PLXNA2: variants seen among roughly 807,000 people sequenced by gnomAD.
PLXNA2 encodes plexin-A2.
In PLXNA2, 91 loss-of-function variants were observed where a neutral mutation model predicts 193.5. That is an observed-to-expected ratio of 0.47 (90% CI 0.40 to 0.56). PLXNA2 has a LOEUF of 0.56. Among genes scored for constraint, PLXNA2 ranks in the 20% least tolerant of loss-of-function variants. The pLI is 0.00. For missense variants in PLXNA2, 1,995 were observed against 2,503.2 expected (o/e 0.80, Z 4.33); for synonymous variants, 997 against 1,027.3 (o/e 0.97, Z 0.56).
intron 12 of PLXNA2, among the ~76,000 whole-genome samples, chr1:208,067,344 CA>C (rs35720470): frequency 2.2e-3 from 259 of 116,302 alleles, no homozygotes; most frequent in East Asian, 0.015. Flanking sequence ...AACTCCGTCT[CA>C]AAAAAAAAAA....
chr1:208,163,693 GT>G lies in PLXNA2; in HGVS notation c.1372-21231del, dbSNP rs1669206008. Among the ~76,000 whole-genome samples the G allele has an allele frequency of 2.0e-5, 3 of 152,144 alleles. No individual in the cohort carries two copies. In the South Asian group the frequency reaches 6.2e-4, roughly 32 times the overall value. ...AGTAGTTCTGGTTCCCTAGTTACAG[GT>G]TCCCATGCTGCTTATTGAACTTTGG... On this transcript the variant is annotated intron_variant, in intron 3 of 31. Transcript: ENST00000367033.
chr1:208,209,511 A>G (rs1670856343), intron 3 of PLXNA2, among the ~76,000 whole-genome samples: 1 of 152,190 alleles, frequency 6.6e-6, no homozygotes, highest in Non-Finnish European at 1.5e-5. Flanking sequence ...CTCTAATCCC[A>G]CATAATGAAC....
At chr1:208,031,328 C>G in intron 29 of PLXNA2, 1 of 1,308,112 alleles carries the variant, frequency 7.6e-7, no homozygotes, top group Non-Finnish European at 9.8e-7. Flanking sequence ...TCTTGGGGTA[C>G]TGGTCACAAC....
At position 208,225,032 on chromosome 1, in the gene PLXNA2, G is replaced by C. The variant is rs564688570; in HGVS notation, c.-80-7030C>G. On this transcript the variant is annotated intron_variant, in intron 1 of 31. Coordinates refer to ENST00000367033, the MANE Select transcript of PLXNA2 (RefSeq NM_025179.4). ...CATACTCCAGGCGGTGAGGCAGCAG[G>C]GGCTGTGAGAGGGGAGCTGCGTGCG... Among the ~76,000 whole-genome samples, 3 of 152,296 alleles carry C rather than the reference G, an allele frequency of 2.0e-5. No homozygotes were observed. In the South Asian group the frequency reaches 6.2e-4, roughly 32 times the overall value.
chr1:208,157,564 T>C (rs1437066478), intron 3 of PLXNA2, among the ~76,000 whole-genome samples: 1 of 152,150 alleles, frequency 6.6e-6, no homozygotes, highest in Non-Finnish European at 1.5e-5. Flanking sequence ...CTCAGGATGT[T>C]GTAAGTGAGG....
At chr1:208,045,234 A>G (rs763845249) in intron 18 of PLXNA2, 24 bp from the exon 19 acceptor site, 1 of 1,610,302 alleles carries the variant, frequency 6.2e-7, no homozygotes, top group Admixed American at 1.7e-5. Flanking sequence ...CAGTCTTTAT[A>G]GGCATAATTG....
rs751331750 is a variant in PLXNA2, at chr1:208,096,846, G to A, written c.1769C>T (p.Ala590Val). Residue 590 changes from alanine (A) to valine (V), a missense_variant, in exon 7 of 32, where the codon GCG (alanine) becomes GTG (valine). Around this residue, in one of 3 missense-constraint regions of PLXNA2, gnomAD observed 702 missense variants for 812.9 expected, o/e 0.86. Transcript: ENST00000367033. ...GTTCCCAAAGGCACAGGCGATACCC[G>A]CAGATAGATCAGGAGCATCACTCAC... The part of the protein sequence containing the change: ...LVVSDAPDLS[A>V]GIACAFGNLT... 7.4e-6 allele frequency: 12 copies of A among 1,613,802 alleles called. No individual in the cohort carries two copies. The highest frequency in any genetic ancestry group is 2.2e-5 in the East Asian group (1 of 44,878).
chr1:208,232,104 C>T (rs556465431), intron 1 of PLXNA2, among the ~76,000 whole-genome samples: 1 of 152,328 alleles, frequency 6.6e-6, no homozygotes, highest in East Asian at 1.9e-4. Context: ...TGGCTCTTGC[C>T]CAGTTCTGGC....
intron 13 of PLXNA2, among the ~76,000 whole-genome samples, chr1:208,056,696 C>A (rs74152183): frequency 0.011 from 1,636 of 152,236 alleles, 34 homozygotes; most frequent in African/African-American, 0.037. Context: ...GGAAGGGCAC[C>A]TGTAGTTGGA....
chr1:208,047,704 T>C (rs775277931), intron 17 of PLXNA2, among the ~76,000 whole-genome samples: 12 of 152,162 alleles, frequency 7.9e-5, no homozygotes, highest in Non-Finnish European at 1.3e-4. Flanking sequence ...CTGGCCAACA[T>C]ACACACACAC....
In PLXNA2 at chr1:208,051,367, G is replaced by A. The variant is rs140131144; in HGVS notation, c.3050C>T (p.Pro1017Leu). 2.6e-5 allele frequency: 42 copies of A among 1,612,710 alleles called. No homozygotes were observed. Among genetic ancestry groups the A allele is most frequent in the South Asian group, 2.5e-4 (23 of 90,718 alleles). ...VSPPSSNGLG[P>L]VPVSVSVDRA... is the part of the protein sequence containing the mutation. ...GTCGACACTCACAGAAACAGGGACC[G>A]GGCCAAGGCCATTGGATGATGGGGG... is the stretch of plus-strand genomic sequence containing the variant. Residue 1017 changes from proline (P) to leucine (L), a missense_variant, in exon 16 of 32, where the codon CCG becomes CTG. This residue lies in a region of PLXNA2 where 1,291 missense variants were observed against 1,673.6 expected (regional missense o/e 0.77). Coordinates refer to ENST00000367033, the MANE Select transcript of PLXNA2 (RefSeq NM_025179.4).
At chr1:208,184,722 C>T (rs749062537) in intron 3 of PLXNA2, among the ~76,000 whole-genome samples, 9 of 152,076 alleles carry the variant, frequency 5.9e-5, no homozygotes, top group African/African-American at 1.9e-4. Flanking sequence ...TTAAGAGATC[C>T]GCTGGTGCAG....
chr1:208,152,132 C>G (rs999009246), intron 3 of PLXNA2, among the ~76,000 whole-genome samples: 1 of 152,214 alleles, frequency 6.6e-6, no homozygotes, highest in African/African-American at 2.4e-5. Flanking sequence ...GTAATCTTTG[C>G]TTTCATTAAC....
chr1:208,077,239 T>C (rs1034693247), intron 12 of PLXNA2, among the ~76,000 whole-genome samples: 2 of 152,102 alleles, frequency 1.3e-5, no homozygotes, highest in African/African-American at 4.8e-5. Context: ...AGCCTTGACT[T>C]GAAAAGTACC....
In PLXNA2 at chr1:208,082,380, G is replaced by A; in HGVS notation, c.2395+32C>T. 6.3e-7 allele frequency: 1 copy of A among 1,577,188 alleles called. No homozygotes were observed. The highest frequency in any genetic ancestry group is 1.7e-5 in the Admixed American group (1 of 59,458). On this transcript the variant is annotated intron_variant, in intron 11 of 31. Coordinates refer to ENST00000367033, the MANE Select transcript of PLXNA2 (RefSeq NM_025179.4). This position sits in a 1 kb window ranked among gnomAD's most constrained non-coding sequence, Gnocchi z 4.2. ...CCAGTCTTTCCCGGGGTCGTGAAAA[G>A]ATCAAACTTCTACCCGGAAGTAGCC...
intron 4 of PLXNA2, among the ~76,000 whole-genome samples, chr1:208,108,961 T>C (rs1250083113): frequency 1.3e-5 from 2 of 152,192 alleles, no homozygotes; most frequent in Admixed American, 1.3e-4. Flanking sequence ...GGGAAAATTG[T>C]TCCCCAGGCT....
chr1:208,110,077 GT>G (rs1166780808), intron 4 of PLXNA2, among the ~76,000 whole-genome samples: 1 of 152,208 alleles, frequency 6.6e-6, no homozygotes, highest in Non-Finnish European at 1.5e-5. Context: ...CTCATTCAGA[GT>G]CCTCACAGGG....
At chr1:208,204,396 G>C (rs1670649778) in intron 3 of PLXNA2, among the ~76,000 whole-genome samples, 1 of 152,098 alleles carries the variant, frequency 6.6e-6, no homozygotes, top group Non-Finnish European at 1.5e-5. Context: ...CCTTCCTCCA[G>C]CCAACATTTC....
Position 208,082,324 on chromosome 1 carries a change from C to G in PLXNA2, c.2395+88G>C. The stretch of plus-strand genomic sequence containing the variant: ...CAGAGGGAGTGTATTATTCATGGCA[C>G]AGCGGCTGGCTGGCTCTGATCCCTC... On this transcript the variant is annotated intron_variant, in intron 11 of 31. Coordinates refer to ENST00000367033, the MANE Select transcript of PLXNA2 (RefSeq NM_025179.4). The surrounding 1 kb of genome is among the most constrained non-coding windows in gnomAD (Gnocchi z 4.2). The G allele has an allele frequency of 1.0e-6, 1 of 979,428 alleles. No homozygotes were observed. Among genetic ancestry groups the G allele is most frequent in the Non-Finnish European group, 1.6e-6 (1 of 624,230 alleles). The allele number at this position is 979,428 out of a possible 1,614,324, so 60.7% of individuals were successfully genotyped here.
Sources: gnomAD v4.1 joint callset for allele counts (sites outside exome capture counted in the v4.1 genomes callset) on GRCh38, gnomAD v4.1.1 for gene constraint, gnomAD v4.1.1 regional missense constraint, Gnocchi (gnomAD v3.1) non-coding constraint, MANE v1.5 for transcripts, NCBI Gene and HGNC (gene_info 2026-07-23, HGNC 2026-07-21) for gene names.